Variants in PDZRN3 observed in about 807,000 individuals in gnomAD.
PDZRN3 encodes PDZ domain containing ring finger 3, also known as E3 ubiquitin-protein ligase PDZRN3.
Under a neutral mutation model 85.7 loss-of-function variants are expected in PDZRN3, and 38 were observed. That is an observed-to-expected ratio of 0.44 (90% confidence interval 0.34 to 0.58). PDZRN3 has a LOEUF of 0.58. PDZRN3 is among the 20% of genes least tolerant of loss of function. The pLI is 0.01. For missense variants in PDZRN3, 1,629 were observed against 1,506.4 expected (o/e 1.08, Z -1.35); for synonymous variants, 759 against 638.0 (o/e 1.19, Z -2.86).
chr3:73,614,056 A>C (rs532118393), intron 1 of PDZRN3, among the ~76,000 whole-genome samples: 134 of 152,316 alleles, frequency 8.8e-4, no homozygotes, highest in Non-Finnish European at 2.6e-4. Flanking sequence ...AAGAAGATAC[A>C]GTTGATTTTG....
At chr3:73,586,222 A>G (rs559758665) in intron 3 of PDZRN3, among the ~76,000 whole-genome samples, 1 of 152,336 alleles carries the variant, frequency 6.6e-6, no homozygotes, top group African/African-American at 2.4e-5. Context: ...CTTTACTCCT[A>G]AATTCCTCCT....
At chr3:73,458,468 T>C (rs1292826122) in intron 3 of PDZRN3, among the ~76,000 whole-genome samples, 2 of 151,176 alleles carry the variant, frequency 1.3e-5, no homozygotes, top group Non-Finnish European at 2.9e-5. Context: ...AATAGGTTTT[T>C]TTCCCATTTA....
intron 3 of PDZRN3, among the ~76,000 whole-genome samples, chr3:73,554,227 T>C (rs1431628973): frequency 6.6e-6 from 1 of 152,126 alleles, no homozygotes; most frequent in East Asian, 1.9e-4. Flanking sequence ...TGGATTCAAA[T>C]CCAGTATGCA....
intron 3 of PDZRN3, among the ~76,000 whole-genome samples, chr3:73,449,692 T>C (rs953826190): frequency 1.3e-5 from 2 of 152,212 alleles, no homozygotes; most frequent in East Asian, 1.9e-4. Flanking sequence ...TAATTGAATA[T>C]GTAATTTAAT....
intron 3 of PDZRN3, among the ~76,000 whole-genome samples, chr3:73,453,404 C>CAAAAAAAAAAAA (rs1184407369): frequency 2.5e-4 from 24 of 97,484 alleles, no homozygotes; most frequent in Non-Finnish European, 4.0e-4. Flanking sequence ...GACTTCGTCT[C>CAAAAAAAAAAAA]AAAAAAAAAA....
chr3:73,527,488 C>A (rs1412847744), intron 3 of PDZRN3, among the ~76,000 whole-genome samples: 1 of 152,128 alleles, frequency 6.6e-6, no homozygotes, highest in African/African-American at 2.4e-5. Flanking sequence ...CTAAAAGTTT[C>A]TAATTTCTCT....
intron 3 of PDZRN3, among the ~76,000 whole-genome samples, chr3:73,563,399 G>C (rs369145035): frequency 1.1e-4 from 17 of 151,984 alleles, no homozygotes; most frequent in African/African-American, 3.9e-4. Flanking sequence ...CAGTGGTTAG[G>C]AGAAAGCTAA....
At chr3:73,621,989 A>T (rs576920501) in intron 1 of PDZRN3, among the ~76,000 whole-genome samples, 1 of 152,338 alleles carries the variant, frequency 6.6e-6, no homozygotes, top group East Asian at 1.9e-4. Context: ...ACAATAAATG[A>T]TGCATAAACT....
chr3:73,400,597 A>G (rs1277754408), intron 5 of PDZRN3, among the ~76,000 whole-genome samples: 1 of 152,186 alleles, frequency 6.6e-6, no homozygotes, highest in Non-Finnish European at 1.5e-5. Flanking sequence ...AAAAGGGAGG[A>G]AGGTGAGGAG....
intron 3 of PDZRN3, among the ~76,000 whole-genome samples, chr3:73,424,208 T>C (rs1702260400): frequency 6.6e-6 from 1 of 151,626 alleles, no homozygotes; most frequent in African/African-American, 2.4e-5. Flanking sequence ...TTTATGAAAT[T>C]AAGAGATTTG....
chr3:73,480,457 T>C (rs988416523), intron 3 of PDZRN3, among the ~76,000 whole-genome samples: 1 of 152,182 alleles, frequency 6.6e-6, no homozygotes, highest in Non-Finnish European at 1.5e-5. Context: ...TTGGGAAGGC[T>C]TCCAAATTTT....
chr3:73,532,060 G>T (rs1704670022), intron 3 of PDZRN3, among the ~76,000 whole-genome samples: 1 of 152,138 alleles, frequency 6.6e-6, no homozygotes, highest in African/African-American at 2.4e-5. Context: ...GGAGTGCAGT[G>T]GCGCGATCTT....
At chr3:73,492,534 G>A (rs1703791075) in intron 3 of PDZRN3, among the ~76,000 whole-genome samples, 1 of 152,214 alleles carries the variant, frequency 6.6e-6, no homozygotes, top group African/African-American at 2.4e-5. Context: ...GCTGTTCTCA[G>A]TGATCTGGGG....
At chr3:73,475,079 T>C (rs1703422317) in intron 3 of PDZRN3, among the ~76,000 whole-genome samples, 1 of 152,046 alleles carries the variant, frequency 6.6e-6, no homozygotes, top group African/African-American at 2.4e-5. Flanking sequence ...GCATCTTCTT[T>C]TTGAAAAACA....
intron 3 of PDZRN3, among the ~76,000 whole-genome samples, chr3:73,458,381 A>C (rs956822427): frequency 1.3e-5 from 2 of 151,864 alleles, no homozygotes; most frequent in Admixed American, 1.3e-4. Context: ...GCTGCTGAAG[A>C]AAGCCAAGGG....
At chr3:73,400,592 G>A (rs28464688) in intron 5 of PDZRN3, among the ~76,000 whole-genome samples, 196 of 152,278 alleles carry the variant, frequency 1.3e-3, no homozygotes, top group African/African-American at 4.5e-3. Flanking sequence ...GACATAAAAG[G>A]GAGGAAGGTG....
At chr3:73,403,029 C>T (rs865916065) in intron 4 of PDZRN3, among the ~76,000 whole-genome samples, 21 of 151,060 alleles carry the variant, frequency 1.4e-4, no homozygotes, top group East Asian at 3.9e-4. Context: ...CTGCAAGCTC[C>T]GCCTCCCGGG....
chr3:73,434,879 T>A (rs1055749606), intron 3 of PDZRN3, among the ~76,000 whole-genome samples: 5 of 152,244 alleles, frequency 3.3e-5, no homozygotes, highest in African/African-American at 1.2e-4. Flanking sequence ...TCTGTCCTGC[T>A]GAGTAAGCCT....
Position 73,594,831 on chromosome 3 carries a change from G to T in PDZRN3, c.918+7523C>A, listed in dbSNP as rs114823989. Among the ~76,000 whole-genome samples the T allele has an allele frequency of 6.2e-3, 945 of 152,262 alleles. 10 individuals are homozygous for T. Among genetic ancestry groups the T allele is most frequent in the African/African-American group, 0.021 (862 of 41,558 alleles). ...ATATTCACTTTATTTTACAAGTGGA[G>T]ACTAAAAAGATGGAGATGTACTGAC... On this transcript the variant is annotated intron_variant, in intron 3 of 9. Transcript: ENST00000263666.
Sources: gnomAD v4.1 joint callset for allele counts (sites outside exome capture counted in the v4.1 genomes callset) on GRCh38, gnomAD v4.1.1 for gene constraint, MANE v1.5 for transcripts, NCBI Gene and HGNC (gene_info 2026-07-23, HGNC 2026-07-21) for gene names.